The following LMBRD1 variants were observed in gnomAD, a reference collection of about 807,000 sequenced individuals.
LMBRD1 encodes the protein lysosomal cobalamin transport escort protein LMBD1.
LMBRD1 carries 64 observed loss-of-function variants against 74.8 expected under a neutral mutation model. That is an observed-to-expected ratio of 0.86 (90% CI 0.70 to 1.05). The LOEUF is 1.05. LMBRD1 is among the 50% of genes least tolerant of loss of function. The pLI, the probability that LMBRD1 is intolerant of heterozygous loss-of-function variation, is 0.00. For missense variants in LMBRD1, 652 were observed against 645.9 expected, an observed-to-expected ratio of 1.01 and a Z score of -0.10; for synonymous variants, 204 against 216.3, an observed-to-expected ratio of 0.94 and a Z score of 0.50.
rs1380144199 is a variant in LMBRD1, at chr6:69,796,995, A to AG, written c.-115dup. 5.6e-6 allele frequency: 5 copies of AG among 892,510 alleles called. No homozygotes were observed. The highest frequency in any genetic ancestry group is 8.9e-6 in the Non-Finnish European group (5 of 562,328). The allele number at this position is 892,510 out of a possible 1,614,324, so 55.3% of individuals were successfully genotyped here. On this transcript the variant is annotated 5_prime_UTR_variant, in exon 1 of 16. Coordinates refer to ENST00000649934, the MANE Select transcript of LMBRD1 (RefSeq NM_018368.4). Reference sequence around the variant, plus strand: ...CGCACCCTAAAGGTTAAAGGGGCGGAGGGGGAGGAGCAAGTGGTTGCCAAG... The same window carrying AG: ...CGCACCCTAAAGGTTAAAGGGGCGGAGGGGGGAGGAGCAAGTGGTTGCCAAG...
In LMBRD1 at chr6:69,701,779, T is replaced by TA. The variant is rs996645541; in HGVS notation, c.980+109dup. On this transcript the variant is annotated intron_variant, in intron 10 of 15. Transcript: ENST00000649934. Reference sequence around the variant, plus strand: ...AGTTAATGCTATAGAACACTTCAAGTAAAAAAGCTACTTAAGATGAACAGC... The same window carrying TA: ...AGTTAATGCTATAGAACACTTCAAGTAAAAAAAGCTACTTAAGATGAACAGC... 87 of 798,376 alleles carry TA rather than the reference T, an allele frequency of 1.1e-4. No homozygotes were observed. The African/African-American group carries it at 1.4e-3, about 13-fold the overall frequency. 49.5% of individuals were successfully genotyped at this position (798,376 alleles called of 1,614,324 possible).
intron 9 of LMBRD1, among the ~76,000 whole-genome samples, chr6:69,711,985 C>T (rs1766393418): frequency 6.6e-6 from 1 of 152,240 alleles, no homozygotes; most frequent in East Asian, 1.9e-4. Context: ...TCTCCTTCCT[C>T]CCACCCTCCA....
chr6:69,774,993 G>A (rs1239180355), intron 3 of LMBRD1, among the ~76,000 whole-genome samples: 12 of 37,476 alleles, frequency 3.2e-4, no homozygotes, highest in South Asian at 1.6e-3. Flanking sequence ...AAGGAAGGGA[G>A]GGAGGGAGGG....
chr6:69,760,704 GAACAA>G (rs1299112378), intron 3 of LMBRD1, among the ~76,000 whole-genome samples: 1 of 152,100 alleles, frequency 6.6e-6, no homozygotes, highest in Non-Finnish European at 1.5e-5. Flanking sequence ...AACAGAATAT[GAACAA>G]AAATATTGGG....
intron 12 of LMBRD1, among the ~76,000 whole-genome samples, chr6:69,700,515 C>G (rs1167692395): frequency 4.0e-5 from 6 of 151,760 alleles, no homozygotes; most frequent in Admixed American, 2.6e-4. Context: ...CACTAGCATT[C>G]CCCAATTATA....
At chr6:69,718,496 T>C (rs1343538263) in intron 8 of LMBRD1, among the ~76,000 whole-genome samples, 2 of 152,188 alleles carry the variant, frequency 1.3e-5, no homozygotes, top group Non-Finnish European at 2.9e-5. Flanking sequence ...TATAAAGAAC[T>C]ACTCGAGACT....
At chr6:69,734,460 A>T (rs562246871) in intron 7 of LMBRD1, among the ~76,000 whole-genome samples, 2 of 151,456 alleles carry the variant, frequency 1.3e-5, no homozygotes, top group East Asian at 3.9e-4. Context: ...AAATGGCGCA[A>T]TCTCGGCTCA....
intron 9 of LMBRD1, chr6:69,705,958 TTGTAATACACTGCCTC>T: frequency 9.5e-7 from 1 of 1,053,910 alleles, no homozygotes; most frequent in South Asian, 1.2e-5. Flanking sequence ...TGGACTGCCT[TTGTAATACACTGCCTC>T]TGCTTCAACG....
At chr6:69,701,211 G>C (rs1190106922) in intron 11 of LMBRD1, among the ~76,000 whole-genome samples, 1 of 151,724 alleles carries the variant, frequency 6.6e-6, no homozygotes, top group African/African-American at 2.4e-5. Context: ...GTCAAATTAT[G>C]TATAACATAA....
intron 3 of LMBRD1, among the ~76,000 whole-genome samples, chr6:69,773,400 C>G (rs534887767): frequency 5.3e-5 from 8 of 152,124 alleles, no homozygotes; most frequent in African/African-American, 1.9e-4. Context: ...TCTACTTTAA[C>G]AGCACAAAAC....
intron 2 of LMBRD1, among the ~76,000 whole-genome samples, chr6:69,787,243 A>AT (rs1005250872): frequency 5.3e-5 from 8 of 152,290 alleles, no homozygotes; most frequent in South Asian, 2.1e-4. Context: ...GTTTTCAAAA[A>AT]TTTTTTCAGT....
At chr6:69,757,344 C>T (rs1173554908) in intron 3 of LMBRD1, among the ~76,000 whole-genome samples, 3 of 152,164 alleles carry the variant, frequency 2.0e-5, no homozygotes, top group Non-Finnish European at 4.4e-5. Context: ...AAAGTGCCCA[C>T]AAAAGTTTTT....
chr6:69,679,043 CAAAAA>C (rs34383421), intron 14 of LMBRD1, among the ~76,000 whole-genome samples: 1 of 97,538 alleles, frequency 1.0e-5, no homozygotes, highest in African/African-American at 3.4e-5. Context: ...CTGGTTAAAA[CAAAAA>C]AAAAAAAACA....
intron 8 of LMBRD1, 105 bp from the exon 9 acceptor site, chr6:69,713,902 T>C: frequency 8.5e-7 from 1 of 1,173,810 alleles, no homozygotes; most frequent in South Asian, 1.3e-5. Flanking sequence ...ATGGACACTC[T>C]TTAGGCAAAT....
intron 1 of LMBRD1, among the ~76,000 whole-genome samples, chr6:69,792,618 T>C (rs984474888): frequency 2.0e-5 from 3 of 152,186 alleles, no homozygotes; most frequent in African/African-American, 7.2e-5. Flanking sequence ...GAAATTTATT[T>C]TTCATAAAAT....
intron 14 of LMBRD1, among the ~76,000 whole-genome samples, chr6:69,682,924 A>C (rs1233350991): frequency 2.0e-5 from 3 of 152,024 alleles, no homozygotes; most frequent in Non-Finnish European, 4.4e-5. Context: ...TTGAAAGAAA[A>C]GAAAAGACTG....
intron 14 of LMBRD1, among the ~76,000 whole-genome samples, chr6:69,691,374 T>C (rs1480658841): frequency 6.6e-6 from 1 of 152,120 alleles, no homozygotes; most frequent in East Asian, 1.9e-4. Context: ...CTTTCTAAAG[T>C]TTTTTCTTCT....
At chr6:69,765,163 T>C (rs903895814) in intron 3 of LMBRD1, among the ~76,000 whole-genome samples, 1 of 152,062 alleles carries the variant, frequency 6.6e-6, no homozygotes, top group African/African-American at 2.4e-5. Flanking sequence ...ACTCCTGACC[T>C]CAAGTGATCT....
At chr6:69,696,556 G>A (rs553868542) in intron 14 of LMBRD1, among the ~76,000 whole-genome samples, 2 of 151,986 alleles carry the variant, frequency 1.3e-5, no homozygotes, top group East Asian at 1.9e-4. Context: ...ACACGCCTGT[G>A]CAATTTAAGG....
Sources: gnomAD v4.1 joint callset for allele counts (sites outside exome capture counted in the v4.1 genomes callset) on GRCh38, gnomAD v4.1.1 for gene constraint, MANE v1.5 for transcripts, NCBI Gene and HGNC (gene_info 2026-07-23, HGNC 2026-07-21) for gene names.